CCDC7: variants seen among roughly 807,000 people sequenced by gnomAD.
CCDC7 encodes coiled-coil domain containing 7.
Under a neutral mutation model 196.9 loss-of-function variants are expected in CCDC7, and 183 were observed. The ratio of observed to expected loss-of-function variants is 0.93; its 90% CI spans 0.82 to 1.05. The LOEUF is 1.05. Among genes scored for constraint, CCDC7 ranks in the 50% least tolerant of loss-of-function variants. The pLI is 0.00. For missense variants in CCDC7, 1,540 were observed against 1,482.2 expected (o/e 1.04, Z -0.64); for synonymous variants, 525 against 484.6 (o/e 1.08, Z -1.10).
chr10:32,858,259 A>T (rs1172247839), intron 41 of CCDC7, among the ~76,000 whole-genome samples: 2 of 152,202 alleles, frequency 1.3e-5, no homozygotes, highest in African/African-American at 2.4e-5. Flanking sequence ...TTCCAAAAAA[A>T]TCGCACTAGA....
At position 32,466,254 on chromosome 10, in the gene CCDC7, CTCT is replaced by C. The variant is rs759239127; in HGVS notation, c.510+3207_510+3209del. Among the ~76,000 whole-genome samples, 320 of 116,456 alleles carry C rather than the reference CTCT, an allele frequency of 2.7e-3. 3 individuals are homozygous for C. Among genetic ancestry groups the C allele is most frequent in the African/African-American group, 5.2e-3 (171 of 32,980 alleles). The allele number at this position is 116,456 out of a possible 152,430, so 76.4% of individuals were successfully genotyped here. A position where few individuals can be genotyped will look rare whatever the true frequency, so the allele number is the denominator to read the frequency against. On this transcript the variant is annotated intron_variant, in intron 5 of 41. Transcript: ENST00000639629. Reference sequence around the variant, plus strand: ...ACTGTTTTTCAAGGAGTGTTTCTCTCTCTTTTTTTTTTTTTTTTGTAAACTTTT... The same window carrying C: ...ACTGTTTTTCAAGGAGTGTTTCTCTCTTTTTTTTTTTTTTTGTAAACTTTT...
intron 18 of CCDC7, among the ~76,000 whole-genome samples, chr10:32,597,818 G>A (rs895757819): frequency 3.9e-5 from 6 of 152,174 alleles, no homozygotes; most frequent in African/African-American, 9.6e-5. Flanking sequence ...GGTATCCAGC[G>A]GAGGCTGCAG....
At chr10:32,788,849 C>A (rs2082255186) in intron 29 of CCDC7, among the ~76,000 whole-genome samples, 1 of 152,062 alleles carries the variant, frequency 6.6e-6, no homozygotes, top group African/African-American at 2.4e-5. Context: ...TTGGTTCACT[C>A]CAGTGGACCC....
intron 30 of CCDC7, among the ~76,000 whole-genome samples, chr10:32,808,985 G>A (rs2086468592): frequency 6.6e-6 from 1 of 152,102 alleles, no homozygotes; most frequent in African/African-American, 2.4e-5. Flanking sequence ...GGCCAGCCTT[G>A]GTTCAAGACC....
At chr10:32,787,678 C>G (rs566516146) in intron 29 of CCDC7, among the ~76,000 whole-genome samples, 3 of 152,302 alleles carry the variant, frequency 2.0e-5, no homozygotes, top group South Asian at 2.1e-4. Context: ...TATCTGCAGA[C>G]CCAGCCTCCA....
chr10:32,482,867 A>T lies in CCDC7; in HGVS notation c.796+8844A>T, dbSNP rs1302750923. On this transcript the variant is annotated intron_variant, in intron 8 of 41. Coordinates refer to ENST00000639629, the Ensembl canonical transcript of CCDC7. ...GGCTGCATAGTATTCCATGGTGTAT[A>T]CATGCCACATTTTCTTAATCCAGTC... Among the ~76,000 whole-genome samples the T allele has an allele frequency of 4.6e-5, 7 of 152,196 alleles. No individual in the cohort carries two copies. In the South Asian group the frequency reaches 1.5e-3, roughly 32 times the overall value.
chr10:32,667,209 T>C (rs2072978285), intron 21 of CCDC7, among the ~76,000 whole-genome samples: 1 of 152,210 alleles, frequency 6.6e-6, no homozygotes, highest in Non-Finnish European at 1.5e-5. Context: ...CACTTTTTGA[T>C]AGGTTTGTTT....
At chr10:32,526,579 A>G (rs1042016190) in intron 11 of CCDC7, among the ~76,000 whole-genome samples, 2 of 152,070 alleles carry the variant, frequency 1.3e-5, no homozygotes, top group East Asian at 1.9e-4. Context: ...CTCTGTGCAT[A>G]TCACTGGTGG....
chr10:32,651,824 G>T (rs985509052), intron 20 of CCDC7, among the ~76,000 whole-genome samples: 1 of 152,196 alleles, frequency 6.6e-6, no homozygotes, highest in Non-Finnish European at 1.5e-5. Flanking sequence ...GGTCAGAGAT[G>T]TTATCTGTGG....
intron 32 of CCDC7, among the ~76,000 whole-genome samples, chr10:32,830,877 A>G (rs2092094114): frequency 6.6e-6 from 1 of 152,220 alleles, no homozygotes; most frequent in Non-Finnish European, 1.5e-5. Flanking sequence ...ATCTAATTAT[A>G]TAAACACAAT....
At chr10:32,665,506 T>C (rs920606243) in intron 21 of CCDC7, among the ~76,000 whole-genome samples, 29 of 152,218 alleles carry the variant, frequency 1.9e-4, no homozygotes, top group African/African-American at 7.0e-4. Flanking sequence ...GATGAAGGTA[T>C]AATTTTATTC....
At chr10:32,599,372 T>A (rs72795564) in intron 18 of CCDC7, among the ~76,000 whole-genome samples, 13,048 of 152,234 alleles carry the variant, frequency 0.086, 877 homozygotes, top group South Asian at 0.25. Flanking sequence ...AAAGCTTTTG[T>A]CAGTTTCTGT....
chr10:32,645,587 T>C (rs888112038), intron 20 of CCDC7, among the ~76,000 whole-genome samples: 30 of 151,306 alleles, frequency 2.0e-4, no homozygotes, highest in African/African-American at 7.3e-4. Flanking sequence ...CTTCAAGTTT[T>C]TGGGATAGTT....
chr10:32,582,991 G>A (rs1484227744), intron 16 of CCDC7, 43 bp from the exon 18 acceptor site: 2 of 1,147,016 alleles, frequency 1.7e-6, no homozygotes, highest in East Asian at 6.4e-5. Context: ...CAAATAAAAT[G>A]GTCTTCACAT....
chr10:32,739,658 T>TC (rs1001947602), intron 28 of CCDC7, among the ~76,000 whole-genome samples: 4 of 152,034 alleles, frequency 2.6e-5, no homozygotes, highest in African/African-American at 7.2e-5. Flanking sequence ...GACTATGTTT[T>TC]TTTTTTTTAC....
At chr10:32,672,705 A>G (rs2074276222) in intron 21 of CCDC7, among the ~76,000 whole-genome samples, 1 of 152,136 alleles carries the variant, frequency 6.6e-6, no homozygotes, top group Admixed American at 6.6e-5. Flanking sequence ...TGATGCCCAT[A>G]GCCTCCACCT....
At chr10:32,516,454 A>G (rs546628093) in intron 9 of CCDC7, among the ~76,000 whole-genome samples, 1 of 152,072 alleles carries the variant, frequency 6.6e-6, no homozygotes, top group East Asian at 1.9e-4. Flanking sequence ...CACCCGGCTA[A>G]TTTTTGTATT....
At chr10:32,449,307 C>G (rs2032332064), upstream of CCDC7, among the ~76,000 whole-genome samples, 1 of 152,116 alleles carries the variant, frequency 6.6e-6, no homozygotes, top group Non-Finnish European at 1.5e-5. Context: ...CTGCCTCAGC[C>G]TCCCGAGTAG....
chr10:32,632,131 CT>C (rs1465632703), intron 18 of CCDC7, among the ~76,000 whole-genome samples: 1,153 of 19,288 alleles, frequency 0.06, 12 homozygotes, highest in Non-Finnish European at 0.11. Flanking sequence ...CATTTTATTT[CT>C]TTTTTTTGGG....
Sources: allele counts gnomAD v4.1 joint callset (sites outside exome capture counted in the v4.1 genomes callset), GRCh38; gene constraint gnomAD v4.1.1; transcripts MANE v1.5; gene names NCBI Gene and HGNC (gene_info 2026-07-23, HGNC 2026-07-21).